PTPRD: variants seen among roughly 807,000 people sequenced by gnomAD.
PTPRD encodes the protein receptor-type tyrosine-protein phosphatase delta.
A neutral mutation model predicts 214.5 loss-of-function variants in PTPRD; 34 were observed. That is an observed-to-expected ratio of 0.16 (90% confidence interval 0.12 to 0.21). The LOEUF (loss-of-function observed/expected upper bound fraction) is 0.21, where lower values mean the gene tolerates loss of function less well. Ranked by LOEUF, PTPRD falls within the 10% of genes least tolerant of loss-of-function variation. PTPRD has a pLI of 1.00. For missense variants in PTPRD, 2,545 were observed against 2,398.7 expected (o/e 1.06, Z -1.27); for synonymous variants, 1,128 against 845.7 (o/e 1.33, Z -5.79).
At position 8,500,768 on chromosome 9, in the gene PTPRD, C is replaced by T. The variant is rs757479150; in HGVS notation, c.2114G>A (p.Arg705Gln). The change falls in exon 24 of 46, where the codon CGA becomes CAA. Residue 705 changes from arginine (R) to glutamine (Q), a missense_variant. Physicochemically the swap from Arg to Gln is conservative, Grantham distance 43 (BLOSUM62 1). Transcript: ENST00000381196. ...PGPESLSVLIRTNEDVPSGPP... is the reference protein window; with the variant it reads ...PGPESLSVLIQTNEDVPSGPP... ...AGGCAACATACCATCTTCATTGGTT[C>T]GAATCAACACGGACAAGCTCTCAGG... 22 of 1,613,902 alleles carry T rather than the reference C, an allele frequency of 1.4e-5. No individual in the cohort carries two copies. Among genetic ancestry groups the T allele is most frequent in the Admixed American group, 8.3e-5 (5 of 60,008 alleles).
rs1596266967 is a variant in PTPRD at position 9,353,369 on chromosome 9, G to C, written c.-203+44080C>G. On this transcript the variant is annotated intron_variant, in intron 9 of 45. Transcript: ENST00000381196. ...TATTGAACTACAGAATTTTATAACA[G>C]GAATAAATCTTAGAGTTAATCTAGT... 2.0e-5 allele frequency among the ~76,000 whole-genome samples: 3 copies of C among 151,860 alleles called. No homozygotes were observed. In the East Asian group the frequency reaches 5.8e-4, roughly 30 times the overall value.
chr9:9,861,145 C>T (rs993028995), intron 5 of PTPRD, among the ~76,000 whole-genome samples: 9 of 152,114 alleles, frequency 5.9e-5, no homozygotes, highest in African/African-American at 2.2e-4. Context: ...TACTTCCTAA[C>T]CACATTTTGA....
chr9:10,004,479 T>A (rs1391865668), intron 4 of PTPRD, among the ~76,000 whole-genome samples: 1 of 151,914 alleles, frequency 6.6e-6, no homozygotes, highest in African/African-American at 2.4e-5. Context: ...TCTTTTCACA[T>A]AAAAATATGC....
intron 2 of PTPRD, among the ~76,000 whole-genome samples, chr9:10,559,866 C>G (rs2063470098): frequency 6.6e-6 from 1 of 152,084 alleles, no homozygotes; most frequent in African/African-American, 2.4e-5. Context: ...GAGATATCAT[C>G]TCACACCAGT....
At position 10,084,369 on chromosome 9, in the gene PTPRD, A is replaced by G. The variant is rs138432749; in HGVS notation, c.-544-50579T>C. 3.4e-3 allele frequency among the ~76,000 whole-genome samples: 521 copies of G among 152,106 alleles called. 1 individual carries two copies. The highest frequency in any genetic ancestry group is 0.011 in the African/African-American group (471 of 41,538). ...AATAATGAGGTACGCCAAACTGTATATCTGTTAAATTGTGAGAAGAACTGA... is the reference window on the plus strand; with the variant it reads ...AATAATGAGGTACGCCAAACTGTATGTCTGTTAAATTGTGAGAAGAACTGA... On this transcript the variant is annotated intron_variant, in intron 3 of 45. Transcript: ENST00000381196.
chr9:8,925,430 C>A (rs1236343387), intron 11 of PTPRD, among the ~76,000 whole-genome samples: 1 of 151,880 alleles, frequency 6.6e-6, no homozygotes, highest in Non-Finnish European at 1.5e-5. Context: ...AAGTCACCTA[C>A]ATAATTTCTG....
chr9:9,915,272 A>C (rs1056824922), intron 5 of PTPRD, among the ~76,000 whole-genome samples: 2 of 152,092 alleles, frequency 1.3e-5, no homozygotes, highest in African/African-American at 4.8e-5. Flanking sequence ...ATTAAACTAG[A>C]TTACTTTTCT....
At chr9:9,995,350 C>A (rs2096083003) in intron 4 of PTPRD, among the ~76,000 whole-genome samples, 1 of 152,102 alleles carries the variant, frequency 6.6e-6, no homozygotes. Context: ...AGGCCCCCAA[C>A]AGTTGTAAAG....
intron 9 of PTPRD, among the ~76,000 whole-genome samples, chr9:9,289,038 C>T (rs894196212): frequency 1.3e-5 from 2 of 151,800 alleles, no homozygotes; most frequent in Non-Finnish European, 2.9e-5. Context: ...CAGTTTCAGG[C>T]ATGTCTTTAT....
At chr9:9,009,241 A>T (rs190317138) in intron 11 of PTPRD, among the ~76,000 whole-genome samples, 15 of 152,136 alleles carry the variant, frequency 9.9e-5, no homozygotes, top group Non-Finnish European at 1.3e-4. Flanking sequence ...AATTACCAGG[A>T]ATATGATATG....
chr9:9,760,504 C>T (rs377540370), intron 6 of PTPRD, among the ~76,000 whole-genome samples: 33 of 151,488 alleles, frequency 2.2e-4, no homozygotes, highest in African/African-American at 8.0e-4. Flanking sequence ...TCCTTTATTG[C>T]TTCTCAGGAC....
At position 8,375,954 on chromosome 9, in the gene PTPRD, G is replaced by A. The variant is rs2134799233; in HGVS notation, c.4643C>T (p.Pro1548Leu). ...VKTCNPPDAG[P>L]MVVHCSAGVG... ...TTCTTACCTGCAGTGCACAACCATC[G>A]GACCAGCATCGGGAGGGTTACAGGT... Residue 1548 changes from proline to leucine, a missense_variant, in exon 39 of 46, where the codon CCG (proline) becomes CTG (leucine). Coordinates refer to ENST00000381196, the MANE Select transcript of PTPRD (RefSeq NM_002839.4). 1.9e-6 allele frequency: 3 copies of A among 1,612,416 alleles called. No individual in the cohort carries two copies. Among genetic ancestry groups the A allele is most frequent in the Non-Finnish European group, 2.5e-6 (3 of 1,178,996 alleles).
chr9:10,117,519 CTTCCT>C (rs1429613073), intron 3 of PTPRD, among the ~76,000 whole-genome samples: 1 of 151,938 alleles, frequency 6.6e-6, no homozygotes, highest in Non-Finnish European at 1.5e-5. Context: ...TACGTCCTTG[CTTCCT>C]TCAGTTTTTG....
chr9:9,929,261 C>T (rs560756387), intron 5 of PTPRD, among the ~76,000 whole-genome samples: 142 of 152,340 alleles, frequency 9.3e-4, no homozygotes, highest in Non-Finnish European at 1.6e-3. Flanking sequence ...CTTATATTCA[C>T]AAACTTGCCC....
intron 30 of PTPRD, among the ~76,000 whole-genome samples, chr9:8,481,638 T>C (rs190475430): frequency 3.3e-5 from 5 of 152,208 alleles, no homozygotes; most frequent in Non-Finnish European, 4.4e-5. Flanking sequence ...TGTCCTCTAC[T>C]GGCTCTCTTC....
intron 11 of PTPRD, among the ~76,000 whole-genome samples, chr9:8,741,205 TAGAA>T (rs1186537673): frequency 6.7e-6 from 1 of 149,276 alleles, no homozygotes; most frequent in Non-Finnish European, 1.5e-5. Flanking sequence ...AATGAACAGA[TAGAA>T]AGGAAAAAAA....
chr9:8,751,985 G>C (rs10977277), intron 11 of PTPRD, among the ~76,000 whole-genome samples: 3 of 151,974 alleles, frequency 2.0e-5, no homozygotes, highest in Non-Finnish European at 2.9e-5. Flanking sequence ...CGTTGTGTGC[G>C]TCTGACCCTG....
intron 5 of PTPRD, among the ~76,000 whole-genome samples, chr9:9,802,670 T>C (rs1382253538): frequency 6.6e-6 from 1 of 151,706 alleles, no homozygotes; most frequent in East Asian, 1.9e-4. Flanking sequence ...AATTCAACTC[T>C]CCATACCCAG....
At chr9:10,336,326 T>C (rs2096842963) in intron 3 of PTPRD, among the ~76,000 whole-genome samples, 2 of 151,454 alleles carry the variant, frequency 1.3e-5, no homozygotes, top group Admixed American at 1.3e-4. Context: ...GGAAGAGAAT[T>C]AGTAAGCAGA....
Sources: allele counts gnomAD v4.1 joint callset (sites outside exome capture counted in the v4.1 genomes callset), GRCh38; gene constraint gnomAD v4.1.1; transcripts MANE v1.5; gene names NCBI Gene and HGNC (gene_info 2026-07-23, HGNC 2026-07-21).